The following GPC6 variants were observed in gnomAD, a reference collection of about 807,000 sequenced individuals.
GPC6 encodes the protein glypican-6.
Under a neutral mutation model 55.2 loss-of-function variants are expected in GPC6, and 14 were observed. The ratio of observed to expected loss-of-function variants is 0.25; its 90% CI spans 0.17 to 0.40. The LOEUF is 0.40. Among genes scored for constraint, GPC6 ranks in the 10% least tolerant of loss-of-function variants. The probability of loss-of-function intolerance (pLI) is 1.00; values close to 1 mark genes in which losing one functional copy is unlikely to be tolerated. For missense variants in GPC6, 641 were observed against 708.5 expected (o/e 0.90, Z 1.08); for synonymous variants, 278 against 259.6 (o/e 1.07, Z -0.68).
chr13:93,261,647 C>T (rs566116175), intron 1 of GPC6, among the ~76,000 whole-genome samples: 8 of 152,210 alleles, frequency 5.3e-5, no homozygotes, highest in African/African-American at 1.9e-4. Context: ...CTCCAGAATT[C>T]CCTGAGAAGT....
At chr13:93,673,401 A>C (rs1241075603) in intron 2 of GPC6, among the ~76,000 whole-genome samples, 1 of 152,196 alleles carries the variant, frequency 6.6e-6, no homozygotes, top group African/African-American at 2.4e-5. Flanking sequence ...TAATTCCAAC[A>C]TTTTGGGAGG....
chr13:93,448,093 G>A (rs550311857), intron 1 of GPC6, among the ~76,000 whole-genome samples: 107 of 152,174 alleles, frequency 7.0e-4, no homozygotes, highest in African/African-American at 2.5e-3. Flanking sequence ...GATGGCTTTA[G>A]TTATAAACAA....
At chr13:93,463,123 C>T (rs749421220) in intron 1 of GPC6, among the ~76,000 whole-genome samples, 8 of 152,096 alleles carry the variant, frequency 5.3e-5, no homozygotes, top group Non-Finnish European at 8.8e-5. Context: ...GTGTAAATCC[C>T]TCCAGCCATC....
chr13:93,374,739 G>T (rs1037122088), intron 1 of GPC6, among the ~76,000 whole-genome samples: 1 of 152,120 alleles, frequency 6.6e-6, no homozygotes, highest in African/African-American at 2.4e-5. Flanking sequence ...TACTACTATG[G>T]TAGCTATTAC....
intron 5 of GPC6, among the ~76,000 whole-genome samples, chr13:94,302,621 A>C (rs1398791159): frequency 6.6e-6 from 1 of 152,224 alleles, no homozygotes; most frequent in Non-Finnish European, 1.5e-5. Flanking sequence ...ATTTCTAAGC[A>C]AAAACAACGG....
At chr13:93,816,910 A>G (rs1886872932) in intron 2 of GPC6, among the ~76,000 whole-genome samples, 1 of 152,158 alleles carries the variant, frequency 6.6e-6, no homozygotes, top group Admixed American at 6.5e-5. Flanking sequence ...TTAAAAGTGG[A>G]TTTCATTTGA....
At chr13:93,775,897 G>A (rs1030759031) in intron 2 of GPC6, among the ~76,000 whole-genome samples, 2 of 152,108 alleles carry the variant, frequency 1.3e-5, no homozygotes, top group Non-Finnish European at 2.9e-5. Flanking sequence ...ACAAAATTCT[G>A]CAGCATGACT....
intron 3 of GPC6, among the ~76,000 whole-genome samples, chr13:94,016,006 C>T (rs1382784051): frequency 1.3e-5 from 2 of 152,182 alleles, no homozygotes; most frequent in African/African-American, 4.8e-5. Flanking sequence ...TCTTGCATGA[C>T]TGAAACTCTA....
chr13:94,035,262 G>T (rs542842534), intron 4 of GPC6, among the ~76,000 whole-genome samples: 4 of 152,038 alleles, frequency 2.6e-5, no homozygotes, highest in Admixed American at 6.6e-5. Context: ...CCTGACTTTT[G>T]TCATGCCAAA....
intron 4 of GPC6, among the ~76,000 whole-genome samples, chr13:94,277,222 G>A (rs141726464): frequency 1.6e-4 from 24 of 151,444 alleles, no homozygotes; most frequent in African/African-American, 4.4e-4. Context: ...TTTGTTGTCC[G>A]CATAAATGTC....
chr13:94,379,091 C>G (rs764502868), intron 6 of GPC6, among the ~76,000 whole-genome samples: 2 of 151,908 alleles, frequency 1.3e-5, no homozygotes, highest in Admixed American at 1.3e-4. Context: ...ACCTCAGGTC[C>G]GGAGCTACAG....
chr13:93,366,494 C>T (rs1395160296), intron 1 of GPC6, among the ~76,000 whole-genome samples: 1 of 152,016 alleles, frequency 6.6e-6, no homozygotes, highest in Non-Finnish European at 1.5e-5. Context: ...AATTTCCTTT[C>T]TAGAAGTTAT....
chr13:93,586,516 G>C (rs1877207721), intron 2 of GPC6, among the ~76,000 whole-genome samples: 1 of 152,116 alleles, frequency 6.6e-6, no homozygotes, highest in Non-Finnish European at 1.5e-5. Flanking sequence ...AATAGAGAAA[G>C]TACTTCCTGT....
chr13:93,376,776 C>CTT (rs58608553), intron 1 of GPC6, among the ~76,000 whole-genome samples: 42 of 139,748 alleles, frequency 3.0e-4, no homozygotes, highest in African/African-American at 7.1e-4. Flanking sequence ...TTCTTGCTCA[C>CTT]TTTTTTTTTT....
intron 5 of GPC6, among the ~76,000 whole-genome samples, chr13:94,295,291 A>G (rs953345207): frequency 6.6e-6 from 1 of 152,112 alleles, no homozygotes; most frequent in Non-Finnish European, 1.5e-5. Flanking sequence ...AATGTTTACC[A>G]TGGAGTAAGT....
At chr13:93,965,132 T>TTA (rs1879979514) in intron 3 of GPC6, among the ~76,000 whole-genome samples, 1 of 100,858 alleles carries the variant, frequency 9.9e-6, no homozygotes, top group Non-Finnish European at 2.0e-5. Context: ...TTTTTTTTTT[T>TTA]AGCAAGGGAA....
intron 2 of GPC6, among the ~76,000 whole-genome samples, chr13:93,710,887 T>C (rs1883033430): frequency 6.6e-6 from 1 of 151,818 alleles, no homozygotes; most frequent in Non-Finnish European, 1.5e-5. Flanking sequence ...AAATTATAAA[T>C]TGTAATTAAA....
chr13:93,304,858 T>C (rs968845242), intron 1 of GPC6, among the ~76,000 whole-genome samples: 3 of 152,160 alleles, frequency 2.0e-5, no homozygotes, highest in African/African-American at 7.2e-5. Flanking sequence ...CTGATTAAAA[T>C]TGGCTGAAGA....
chr13:94,107,301 A>G (rs1594741268), intron 4 of GPC6, among the ~76,000 whole-genome samples: 1 of 152,254 alleles, frequency 6.6e-6, no homozygotes, highest in East Asian at 1.9e-4. Flanking sequence ...AAGGAAAAAA[A>G]TGTCATTTTT....
Sources: gnomAD v4.1 joint callset for allele counts (sites outside exome capture counted in the v4.1 genomes callset) on GRCh38, gnomAD v4.1.1 for gene constraint, MANE v1.5 for transcripts, NCBI Gene and HGNC (gene_info 2026-07-23, HGNC 2026-07-21) for gene names.